The following ZDHHC13 variants were observed in gnomAD, a reference collection of about 807,000 sequenced individuals.
ZDHHC13 encodes the protein zDHHC palmitoyltransferase 13.
ZDHHC13 carries 85 observed loss-of-function variants against 86.0 expected under a neutral mutation model. That is an observed-to-expected ratio of 0.99 (90% CI 0.83 to 1.18). The LOEUF is 1.18. ZDHHC13 is among the 50% of genes most tolerant of loss of function. The pLI is 0.00. For synonymous variants in ZDHHC13, 263 were observed against 246.4 expected (o/e 1.07, Z -0.63); for missense variants, 711 against 730.2 (o/e 0.97, Z 0.30).
chr11:19,124,880 T>G (rs901730801), intron 1 of ZDHHC13, among the ~76,000 whole-genome samples: 1 of 152,058 alleles, frequency 6.6e-6, no homozygotes, highest in African/African-American at 2.4e-5. Flanking sequence ...TGATTTACCT[T>G]TTTTCTCTCT....
rs1458859107 is a variant in ZDHHC13 at position 19,165,076 on chromosome 11, C to A, written c.1321C>A (p.His441Asn). The change falls in exon 13 of 17, where the codon CAC becomes AAC. Residue 441 changes from histidine to asparagine, a missense_variant. His to Asn is a moderately conservative substitution (Grantham distance 68, BLOSUM62 1). Transcript: ENST00000446113. ...GATAAGGAAGCCATTAAGGTCACTCCACTGCCATGTATGCAACTGCTGTGT... is the reference window on the plus strand; with the variant it reads ...GATAAGGAAGCCATTAAGGTCACTCAACTGCCATGTATGCAACTGCTGTGT... ...CLIRKPLRSL[H>N]CHVCNCCVAR... 6 of 1,612,940 alleles carry A rather than the reference C, an allele frequency of 3.7e-6. No homozygotes were observed. Among genetic ancestry groups the A allele is most frequent in the Non-Finnish European group, 5.1e-6 (6 of 1,179,422 alleles).
chr11:19,147,727 C>T, intron 4 of ZDHHC13, 54 bp downstream of exon 4: 3 of 1,307,720 alleles, frequency 2.3e-6, no homozygotes, highest in Non-Finnish European at 3.2e-6. Context: ...TAGTGGTCAC[C>T]ATATAAAAAA....
At chr11:19,140,810 G>A (rs1486692650) in intron 1 of ZDHHC13, among the ~76,000 whole-genome samples, 1 of 151,212 alleles carries the variant, frequency 6.6e-6, no homozygotes, top group Non-Finnish European at 1.5e-5. Flanking sequence ...GTAAACTATT[G>A]CAAGAACAAA....
At chr11:19,137,646 A>G (rs1386196606) in intron 1 of ZDHHC13, among the ~76,000 whole-genome samples, 14 of 152,312 alleles carry the variant, frequency 9.2e-5, no homozygotes, top group South Asian at 8.3e-4. Flanking sequence ...ACCTATTCCA[A>G]AATTGACCAC....
At chr11:19,125,186 G>C (rs1474198303) in intron 1 of ZDHHC13, among the ~76,000 whole-genome samples, 1 of 152,104 alleles carries the variant, frequency 6.6e-6, no homozygotes, top group Non-Finnish European at 1.5e-5. Flanking sequence ...GGAAGGTAAG[G>C]TACAGACCAG....
chr11:19,152,712 G>A, intron 8 of ZDHHC13, 28 bp downstream of exon 8: 2 of 1,611,530 alleles, frequency 1.2e-6, no homozygotes, highest in Non-Finnish European at 1.7e-6. Flanking sequence ...CTTTTCTATG[G>A]GATAGATGAC....
rs1287785505 is a variant in ZDHHC13 at position 19,136,913 on chromosome 11, A to AAGG, written c.28-6064_28-6063insGGA. On this transcript the variant is annotated intron_variant, in intron 1 of 16. Transcript: ENST00000446113. ...CAGGCCTGCCCTAAAAGAGCTCCTG[A>AAGG]AAGCGCTAAACATGGAAAGGAACAA... 3.4e-3 allele frequency among the ~76,000 whole-genome samples: 512 copies of AAGG among 150,870 alleles called. 4 individuals carry two copies. Among genetic ancestry groups the AAGG allele is most frequent in the African/African-American group, 0.012 (484 of 40,612 alleles).
In ZDHHC13 at chr11:19,147,649, C is replaced by T; in HGVS notation, c.350C>T (p.Ser117Leu). The change falls in exon 4 of 17, where the codon TCA becomes TTA. Residue 117 changes from serine (S) to leucine (L), a missense_variant. Coordinates refer to ENST00000446113, the MANE Select transcript of ZDHHC13 (RefSeq NM_019028.3). ...VVDQLGGDLN[S>L]TPLHWAIRQG... ...GATCAGTTGGGTGGAGATTTAAATT[C>T]AACTCCTCTTCACTGGGCCATCCGG... The T allele has an allele frequency of 6.2e-7, 1 of 1,601,644 alleles. No individual in the cohort carries two copies. The highest frequency in any genetic ancestry group is 8.5e-7 in the Non-Finnish European group (1 of 1,173,604).
Position 19,152,548 on chromosome 11 carries a change from T to C in ZDHHC13, c.748-11T>C, listed in dbSNP as rs753353932. On this transcript the variant is annotated splice_polypyrimidine_tract_variant and intron_variant, in intron 7 of 16. Coordinates refer to ENST00000446113, the MANE Select transcript of ZDHHC13 (RefSeq NM_019028.3). ...AATACTTTTAAACTTTTTACCCTACTCTTTTTTAAGGGAGAAACACCTCTT... is the reference window on the plus strand; with the variant it reads ...AATACTTTTAAACTTTTTACCCTACCCTTTTTTAAGGGAGAAACACCTCTT... 1.3e-6 allele frequency: 2 copies of C among 1,590,738 alleles called. No individual in the cohort carries two copies. Among genetic ancestry groups the C allele is most frequent in the Non-Finnish European group, 1.7e-6 (2 of 1,171,486 alleles).
chr11:19,167,801 T>C, intron 14 of ZDHHC13: 1 of 152,154 alleles, frequency 6.6e-6, no homozygotes, highest in South Asian at 2.1e-4. Context: ...TTTATTTGTT[T>C]GTTTTTTGCT....
chr11:19,139,409 A>T (rs866587595), intron 1 of ZDHHC13, among the ~76,000 whole-genome samples: 42 of 149,648 alleles, frequency 2.8e-4, no homozygotes, highest in African/African-American at 9.8e-4. Context: ...TCAATGAAAT[A>T]AAAGAGGATA....
chr11:19,153,707 A>G (rs922728106), intron 8 of ZDHHC13, among the ~76,000 whole-genome samples: 6 of 151,982 alleles, frequency 3.9e-5, no homozygotes, highest in African/African-American at 1.5e-4. Context: ...TCTAGTCTAG[A>G]CCTTTCCATG....
At chr11:19,169,278 T>G (rs1265725046) in intron 14 of ZDHHC13, 1 of 985,360 alleles carries the variant, frequency 1.0e-6, no homozygotes, top group African/African-American at 1.7e-5. Context: ...GGATGCATCT[T>G]TCTTTGCCAT....
intron 1 of ZDHHC13, among the ~76,000 whole-genome samples, chr11:19,141,261 A>G (rs1372854943): frequency 3.3e-5 from 5 of 152,158 alleles, no homozygotes; most frequent in Non-Finnish European, 2.9e-5. Flanking sequence ...AGTCAAAGAT[A>G]TCACTGTGAT....
intron 10 of ZDHHC13, among the ~76,000 whole-genome samples, chr11:19,162,425 C>T (rs1438775765): frequency 2.6e-5 from 4 of 151,986 alleles, no homozygotes; most frequent in Non-Finnish European, 5.9e-5. Flanking sequence ...TGATTCTCTC[C>T]AGGGAATCAG....
At chr11:19,151,108 A>T (rs1028653600) in intron 6 of ZDHHC13, among the ~76,000 whole-genome samples, 1 of 152,022 alleles carries the variant, frequency 6.6e-6, no homozygotes, top group Non-Finnish European at 1.5e-5. Context: ...CTTTGGCTTT[A>T]AAAAAATGGC....
chr11:19,161,867 G>A (rs1849920302), intron 10 of ZDHHC13, among the ~76,000 whole-genome samples: 1 of 152,110 alleles, frequency 6.6e-6, no homozygotes, highest in Admixed American at 6.6e-5. Context: ...TAGTGATGCA[G>A]CTGTCAAGAA....
intron 2 of ZDHHC13, among the ~76,000 whole-genome samples, chr11:19,144,432 A>AGAGTGTGTGTGTGTGTGTGTGTGT (rs377410572): frequency 1.1e-4 from 16 of 143,074 alleles, no homozygotes; most frequent in African/African-American, 4.1e-4. Flanking sequence ...AGAGCTATGG[A>AGAGTGTGTGTGTGTGTGTGTGTGT]GTGTGTGTGT....
rs1590093652 is a variant in ZDHHC13 at position 19,170,342 on chromosome 11, T to C, written c.1475-69T>C. ...TCCCTATATAGAACTGCAGTGATTT[T>C]ATCTTCTTGGAGACTGATAAGTAGT... On this transcript the variant is annotated intron_variant, in intron 14 of 16. Coordinates refer to ENST00000446113, the MANE Select transcript of ZDHHC13 (RefSeq NM_019028.3). 4.7e-6 allele frequency: 7 copies of C among 1,479,030 alleles called. 1 individual carries two copies. The East Asian group carries it at 1.8e-4, about 38-fold the overall frequency. 91.6% of individuals were successfully genotyped at this position (1,479,030 alleles called of 1,614,324 possible).
Sources: gnomAD v4.1 joint callset for allele counts (sites outside exome capture counted in the v4.1 genomes callset) on GRCh38, gnomAD v4.1.1 for gene constraint, MANE v1.5 for transcripts, NCBI Gene and HGNC (gene_info 2026-07-23, HGNC 2026-07-21) for gene names.